Variants in SYN3 observed in about 807,000 individuals in gnomAD.
SYN3 encodes synapsin III.
In SYN3, 35 loss-of-function variants were observed where a neutral mutation model predicts 65.8. The ratio of observed to expected loss-of-function variants is 0.53; its 90% CI spans 0.41 to 0.70. The LOEUF (loss-of-function observed/expected upper bound fraction) is 0.70. Ranked by LOEUF, SYN3 falls within the 30% of genes least tolerant of loss-of-function variation. SYN3 has a pLI of 0.00. For missense variants in SYN3, 680 were observed against 749.0 expected (o/e 0.91, Z 1.08); for synonymous variants, 270 against 292.9 (o/e 0.92, Z 0.80).
intron 4 of SYN3, among the ~76,000 whole-genome samples, chr22:32,913,746 T>C (rs908752818): frequency 2.2e-4 from 34 of 152,210 alleles, no homozygotes; most frequent in African/African-American, 7.7e-4. Context: ...AGAATGACAA[T>C]GCGAAGAGCC....
At chr22:32,684,793 G>T (rs1285713311) in intron 6 of SYN3, among the ~76,000 whole-genome samples, 1 of 152,308 alleles carries the variant, frequency 6.6e-6, no homozygotes, top group Middle Eastern at 3.4e-3. Context: ...GAAAATGTGG[G>T]TTCAAGTTCC....
At chr22:32,829,859 C>T (rs1272080494) in intron 6 of SYN3, among the ~76,000 whole-genome samples, 2 of 152,248 alleles carry the variant, frequency 1.3e-5, no homozygotes, top group African/African-American at 4.8e-5. Context: ...ACACCCCACC[C>T]TTGGGTAGAA....
chr22:32,685,452 T>C (rs1009315396), intron 6 of SYN3, among the ~76,000 whole-genome samples: 9 of 152,196 alleles, frequency 5.9e-5, no homozygotes, highest in African/African-American at 1.9e-4. Flanking sequence ...TCCCACAAGA[T>C]TGTAATGGAG....
At chr22:32,981,390 A>T (rs2052368990) in intron 2 of SYN3, among the ~76,000 whole-genome samples, 1 of 151,684 alleles carries the variant, frequency 6.6e-6, no homozygotes, top group South Asian at 2.1e-4. Flanking sequence ...GTTCGAGACC[A>T]GTCTGACCAA....
At chr22:32,880,646 T>C (rs948438432) in intron 4 of SYN3, among the ~76,000 whole-genome samples, 41 of 152,116 alleles carry the variant, frequency 2.7e-4, no homozygotes, top group African/African-American at 9.9e-4. Context: ...CTGGAGCCGC[T>C]GGGGGCACTG....
chr22:32,916,266 C>A (rs1266515884), intron 4 of SYN3, among the ~76,000 whole-genome samples: 1 of 152,224 alleles, frequency 6.6e-6, no homozygotes, highest in Non-Finnish European at 1.5e-5. Flanking sequence ...AACCACCCAG[C>A]TAAGCCCTGC....
intron 6 of SYN3, among the ~76,000 whole-genome samples, chr22:32,726,030 C>A (rs78073030): frequency 0.035 from 5,381 of 152,224 alleles, 221 homozygotes; most frequent in African/African-American, 0.097. Flanking sequence ...TATCCTAGGA[C>A]AGGGTCTTGG....
intron 3 of SYN3, among the ~76,000 whole-genome samples, chr22:32,970,204 A>G (rs2146934180): frequency 6.6e-6 from 1 of 152,280 alleles, no homozygotes; most frequent in Admixed American, 6.5e-5. Flanking sequence ...CTATATGCGC[A>G]CTTACTATTT....
intron 4 of SYN3, among the ~76,000 whole-genome samples, chr22:32,882,399 T>TA (rs796611023): frequency 6.9e-4 from 105 of 152,178 alleles, no homozygotes; most frequent in African/African-American, 2.5e-3. Context: ...TTCTTTTCAT[T>TA]AAAAAAAATC....
intron 2 of SYN3, among the ~76,000 whole-genome samples, chr22:33,001,946 C>T (rs1251239059): frequency 6.6e-6 from 1 of 152,120 alleles, no homozygotes; most frequent in Non-Finnish European, 1.5e-5. Flanking sequence ...CCAGGGATAA[C>T]ACAGCTAGCA....
chr22:32,535,255 T>G (rs751552910), intron 9 of SYN3, among the ~76,000 whole-genome samples: 5 of 152,174 alleles, frequency 3.3e-5, no homozygotes, highest in Non-Finnish European at 7.3e-5. Context: ...ACCAGGGACC[T>G]ACATTCTTGC....
At chr22:33,047,239 T>A in intron 1 of SYN3, among the ~76,000 whole-genome samples, 1 of 152,298 alleles carries the variant, frequency 6.6e-6, no homozygotes, top group African/African-American at 2.4e-5. Flanking sequence ...TGCATGAGGG[T>A]AACCTTATCT....
intron 4 of SYN3, among the ~76,000 whole-genome samples, chr22:32,884,641 T>G (rs2049239820): frequency 6.6e-6 from 1 of 152,172 alleles, no homozygotes; most frequent in South Asian, 2.1e-4. Context: ...AGAACTTTGG[T>G]AGGCCAAGGC....
chr22:32,807,962 A>G (rs1335089729), intron 6 of SYN3, among the ~76,000 whole-genome samples: 1 of 152,114 alleles, frequency 6.6e-6, no homozygotes, highest in Non-Finnish European at 1.5e-5. Flanking sequence ...ATTTTTATTG[A>G]CTTACTGAGT....
At chr22:32,592,892 G>A (rs1420443284) in intron 7 of SYN3, among the ~76,000 whole-genome samples, 1 of 152,172 alleles carries the variant, frequency 6.6e-6, no homozygotes, top group African/African-American at 2.4e-5. Flanking sequence ...GGCACCACAA[G>A]TATAAAAGAA....
chr22:32,681,085 T>C (rs2147112231), intron 6 of SYN3, among the ~76,000 whole-genome samples: 1 of 149,728 alleles, frequency 6.7e-6, no homozygotes, highest in East Asian at 2.0e-4. Flanking sequence ...GCTCAAGGAA[T>C]GGCAAGAAGG....
chr22:32,666,582 A>C (rs2060292708), intron 6 of SYN3, among the ~76,000 whole-genome samples: 1 of 152,146 alleles, frequency 6.6e-6, no homozygotes, highest in South Asian at 2.1e-4. Flanking sequence ...ATGGGTCATT[A>C]TCAGATGTAA....
chr22:32,657,398 T>C (rs1250858882), intron 6 of SYN3, among the ~76,000 whole-genome samples: 2 of 151,058 alleles, frequency 1.3e-5, no homozygotes, highest in Non-Finnish European at 3.0e-5. Flanking sequence ...GCTGGGATTA[T>C]AGGCGTGAGC....
intron 1 of SYN3, among the ~76,000 whole-genome samples, chr22:33,019,473 G>A (rs1198484950): frequency 3.3e-5 from 5 of 152,008 alleles, no homozygotes; most frequent in South Asian, 2.1e-4. Context: ...TTCAACCTCC[G>A]TGCCTCAGTT....
Sources: gnomAD v4.1 joint callset for allele counts (sites outside exome capture counted in the v4.1 genomes callset) on GRCh38, gnomAD v4.1.1 for gene constraint, MANE v1.5 for transcripts, NCBI Gene and HGNC (gene_info 2026-07-23, HGNC 2026-07-21) for gene names.